Variants in SYNE1 observed in about 807,000 individuals in gnomAD.
SYNE1 encodes nesprin-1.
SYNE1 carries 616 observed loss-of-function variants against 1,111.0 expected under a neutral mutation model. The ratio of observed to expected loss-of-function variants is 0.55; its 90% CI spans 0.52 to 0.59. The LOEUF (loss-of-function observed/expected upper bound fraction) is 0.59, where lower values mean the gene tolerates loss of function less well. Ranked by LOEUF, SYNE1 falls within the 20% of genes least tolerant of loss-of-function variation. The probability of loss-of-function intolerance (pLI) is 0.00; values close to 1 mark genes in which losing one functional copy is unlikely to be tolerated. For synonymous variants in SYNE1, 3,855 were observed against 3,825.8 expected (o/e 1.01, Z -0.28); for missense variants, 10,006 against 10,417.0 (o/e 0.96, Z 1.72).
rs1489791875 is a variant in SYNE1, at chr6:152,151,940, G to C, written c.24312+19C>G. 3 of 1,613,480 alleles carry C rather than the reference G, an allele frequency of 1.9e-6. No homozygotes were observed. Among genetic ancestry groups the C allele is most frequent in the African/African-American group, 1.3e-5 (1 of 75,036 alleles). On this transcript the variant is annotated intron_variant, in intron 134 of 145. Transcript: ENST00000367255. The stretch of plus-strand genomic sequence containing the variant: ...CCCATCCTCTGGCCTCTAAATTACA[G>C]ATGAGGCATAGCAAAAACCTTGAGT...
chr6:152,196,436 G>A (rs1047334433), intron 127 of SYNE1, among the ~76,000 whole-genome samples: 1 of 151,998 alleles, frequency 6.6e-6, no homozygotes, highest in Non-Finnish European at 1.5e-5. Context: ...GGCCCACAGT[G>A]TGTAATACCT....
intron 4 of SYNE1, 99 bp downstream of exon 4, chr6:152,539,861 A>T: frequency 7.8e-7 from 1 of 1,277,308 alleles, no homozygotes; most frequent in Non-Finnish European, 1.1e-6. Flanking sequence ...TTGATTCGCA[A>T]CAGTGACAAC....
chr6:152,136,860 AC>A (rs758818133), intron 140 of SYNE1, 42 bp from the exon 141 acceptor site: 2 of 1,595,208 alleles, frequency 1.3e-6, no homozygotes, highest in African/African-American at 2.7e-5. Flanking sequence ...GACAATAATG[AC>A]AAAGATATTT....
intron 98 of SYNE1, among the ~76,000 whole-genome samples, chr6:152,270,658 GCACT>G (rs1216745893): frequency 6.6e-6 from 1 of 152,186 alleles, no homozygotes. Flanking sequence ...TACTTAATAA[GCACT>G]CACTAGACAC....
rs918895767 is a variant in SYNE1, at chr6:152,301,952, C to G, written c.17458G>C (p.Glu5820Gln). 1.2e-6 allele frequency: 2 copies of G among 1,614,250 alleles called. No homozygotes were observed. The highest frequency in any genetic ancestry group is 3.3e-5 in the Admixed American group (2 of 60,038). ...GTCCCTTCCGCCAGCCCCTCGACCT[C>G]GGTCACCGTCAGCAGCATGGTGGCG... ...KHATMLLTVT[E>Q]VEGLAEGTED... Residue 5820 changes from glutamate (E) to glutamine (Q), a missense_variant, in exon 92 of 146, where the codon GAG (glutamate) becomes CAG (glutamine). Transcript: ENST00000367255.
chr6:152,473,659 G>A (rs1482099681), intron 14 of SYNE1, among the ~76,000 whole-genome samples: 2 of 152,154 alleles, frequency 1.3e-5, no homozygotes. Context: ...ACAAACAGGT[G>A]TTCTTAGAGC....
intron 82 of SYNE1, among the ~76,000 whole-genome samples, chr6:152,322,151 G>C (rs1275773085): frequency 6.6e-6 from 1 of 152,080 alleles, no homozygotes; most frequent in African/African-American, 2.4e-5. Context: ...GTAGCCTGGA[G>C]ATTATTTCAT....
At position 152,309,948 on chromosome 6, in the gene SYNE1, G is replaced by A. The variant is rs150290283; in HGVS notation, c.17089C>T (p.Arg5697Trp). Residue 5697 changes from arginine (R) to tryptophan (W), a missense_variant, in exon 90 of 146, where the codon CGG becomes TGG. Physicochemically the swap from Arg to Trp is moderately radical, Grantham distance 101. Coordinates refer to ENST00000367255, the MANE Select transcript of SYNE1 (RefSeq NM_182961.4). ...QAVQLCQSAL[R>W]IPEDVVASLP... Reference sequence around the variant, plus strand: ...CTGGCAACCACATCCTCGGGGATCCGGAGGGCACTCTGGCAGAGCTGCACT... The same window carrying A: ...CTGGCAACCACATCCTCGGGGATCCAGAGGGCACTCTGGCAGAGCTGCACT... The A allele has an allele frequency of 7.6e-5, 123 of 1,613,994 alleles. No homozygotes were observed. Among genetic ancestry groups the A allele is most frequent in the Admixed American group, 1.7e-4 (10 of 59,996 alleles).
At chr6:152,319,143 G>A (rs983780605) in intron 84 of SYNE1, 128 bp from the exon 85 acceptor site, 1 of 1,296,556 alleles carries the variant, frequency 7.7e-7, no homozygotes, top group Non-Finnish European at 1.1e-6. Context: ...GGTCACACCA[G>A]CGATGTGCGA....
At chr6:152,177,655 CTT>C (rs2066822646) in intron 129 of SYNE1, among the ~76,000 whole-genome samples, 1 of 152,142 alleles carries the variant, frequency 6.6e-6, no homozygotes, top group African/African-American at 2.4e-5. Context: ...ACCCACCCTC[CTT>C]TTTATGTTAT....
intron 6 of SYNE1, among the ~76,000 whole-genome samples, chr6:152,511,764 T>C (rs147714734): frequency 6.6e-6 from 1 of 152,306 alleles, no homozygotes; most frequent in African/African-American, 2.4e-5. Flanking sequence ...ACAGAGCCTA[T>C]TAGCATTCAG....
At chr6:152,220,779 A>G in intron 119 of SYNE1, 63 bp downstream of exon 119, 1 of 1,486,880 alleles carries the variant, frequency 6.7e-7, no homozygotes, top group Non-Finnish European at 9.4e-7. Context: ...ACACAGACCA[A>G]AAGCTAAACT....
chr6:152,152,003 C>A lies in SYNE1; in HGVS notation c.24268G>T (p.Asp8090Tyr). ...GAGGTGACACGCTTTTGCAGGTTGT[C>A]CCATCTCTGGTTGCCTTCGTGAACC... The part of the protein sequence containing the change: ...QMVHEGNQRW[D>Y]NLQKRVTSIL... Residue 8090 changes from aspartate (D) to tyrosine (Y), a missense_variant, in exon 134 of 146, where the codon GAC (aspartate) becomes TAC (tyrosine). Coordinates refer to ENST00000367255, the MANE Select transcript of SYNE1 (RefSeq NM_182961.4). 3 of 1,614,160 alleles carry A rather than the reference C, an allele frequency of 1.9e-6. No homozygotes were observed. The highest frequency in any genetic ancestry group is 2.5e-6 in the Non-Finnish European group (3 of 1,180,042).
chr6:152,479,417 C>T (rs189591882), intron 14 of SYNE1, among the ~76,000 whole-genome samples: 20 of 152,242 alleles, frequency 1.3e-4, no homozygotes, highest in Middle Eastern at 3.4e-3. Context: ...CTTACTTTGC[C>T]AAATCAATAC....
intron 13 of SYNE1, 148 bp from the exon 14 acceptor site, chr6:152,483,397 G>A: frequency 1.3e-6 from 1 of 775,754 alleles, no homozygotes; most frequent in Non-Finnish European, 2.0e-6. Context: ...AAATGTCTGT[G>A]TTCTGAGTTT....
At chr6:152,145,795 C>A (rs190766035) in intron 137 of SYNE1, 6 of 444,462 alleles carry the variant, frequency 1.3e-5, no homozygotes, top group Non-Finnish European at 2.5e-5. Flanking sequence ...GAGGCCAAGG[C>A]GGGTGGATCA....
At chr6:152,470,178 T>C (rs1251463033) in intron 16 of SYNE1, among the ~76,000 whole-genome samples, 1 of 152,188 alleles carries the variant, frequency 6.6e-6, no homozygotes, top group Non-Finnish European at 1.5e-5. Flanking sequence ...ACTAACGTTT[T>C]TATCATTAAT....
chr6:152,535,177 G>A (rs1178482354), intron 4 of SYNE1, among the ~76,000 whole-genome samples: 1 of 152,224 alleles, frequency 6.6e-6, no homozygotes. Flanking sequence ...CAGAGGCAGA[G>A]ACTGAAATAA....
At chr6:152,276,297 A>G (rs985616790) in intron 98 of SYNE1, among the ~76,000 whole-genome samples, 4 of 152,036 alleles carry the variant, frequency 2.6e-5, no homozygotes, top group African/African-American at 9.7e-5. Context: ...GGCCTCCCAA[A>G]TTGCTGGGGA....
Sources: allele counts gnomAD v4.1 joint callset (sites outside exome capture counted in the v4.1 genomes callset), GRCh38; gene constraint gnomAD v4.1.1; transcripts MANE v1.5; gene names NCBI Gene and HGNC (gene_info 2026-07-23, HGNC 2026-07-21).